Variants in SSBP2 observed in about 807,000 individuals in gnomAD.
The protein encoded by SSBP2 is single-stranded DNA-binding protein 2.
SSBP2 carries 17 observed loss-of-function variants against 61.8 expected under a neutral mutation model. The observed-to-expected ratio is 0.28, with a 90% CI of 0.19 to 0.41. The LOEUF (loss-of-function observed/expected upper bound fraction) is 0.41. SSBP2 is among the 10% of genes least tolerant of loss of function. The pLI is 1.00. For missense variants in SSBP2, 310 were observed against 458.7 expected, an observed-to-expected ratio of 0.68 and a Z score of 2.96; for synonymous variants, 139 against 141.3, an observed-to-expected ratio of 0.98 and a Z score of 0.12.
At chr5:81,426,512 G>C (rs747740339) in intron 16 of SSBP2, among the ~76,000 whole-genome samples, 1 of 152,228 alleles carries the variant, frequency 6.6e-6, no homozygotes, top group Non-Finnish European at 1.5e-5. Context: ...ACCCGCTTAA[G>C]TTCAGGGGCA....
At chr5:81,731,656 T>C (rs909184674) in intron 1 of SSBP2, among the ~76,000 whole-genome samples, 9 of 152,248 alleles carry the variant, frequency 5.9e-5, no homozygotes, top group African/African-American at 2.2e-4. Context: ...TTATCATCCA[T>C]GTTAAAAGAT....
chr5:81,542,817 T>TCTCTCTCTCTCTCTC (rs1771383467), intron 4 of SSBP2, among the ~76,000 whole-genome samples: 1 of 106,724 alleles, frequency 9.4e-6, no homozygotes, highest in Admixed American at 8.9e-5. Context: ...ATTTGACAGT[T>TCTCTCTCTCTCTCTC]TCTCTCTCTC....
intron 4 of SSBP2, among the ~76,000 whole-genome samples, chr5:81,614,355 G>A (rs1300250430): frequency 5.8e-5 from 3 of 51,674 alleles, no homozygotes; most frequent in Non-Finnish European, 1.0e-4. Context: ...GCGAGACTCC[G>A]TCTCAAAAAA....
At chr5:81,546,152 T>C (rs576253136) in intron 4 of SSBP2, among the ~76,000 whole-genome samples, 3 of 152,354 alleles carry the variant, frequency 2.0e-5, no homozygotes, top group African/African-American at 7.2e-5. Flanking sequence ...TGTAATCTCA[T>C]TTAATCATTA....
chr5:81,445,138 T>TATATACATATATA lies in SSBP2; in HGVS notation c.778+1729_778+1730insTATATATGTATAT, dbSNP rs1453692261. ...TGTCTCAGCAAAGAAAAAAAAAATT[T>TATATACATATATA]TATATATATATATATATATATATAT... On this transcript the variant is annotated intron_variant, in intron 12 of 16. Coordinates refer to ENST00000320672, the MANE Select transcript of SSBP2 (RefSeq NM_012446.5). Among the ~76,000 whole-genome samples the TATATACATATATA allele has an allele frequency of 8.0e-4, 27 of 33,888 alleles. 1 individual carries two copies. The highest frequency in any genetic ancestry group is 2.8e-3 in the African/African-American group (27 of 9,678). The allele number at this position is 33,888 out of a possible 152,430, so 22.2% of individuals were successfully genotyped here.
At chr5:81,658,106 T>C (rs987310804) in intron 1 of SSBP2, among the ~76,000 whole-genome samples, 68 of 152,124 alleles carry the variant, frequency 4.5e-4, no homozygotes, top group African/African-American at 1.4e-3. Context: ...ATATAAAACA[T>C]TGTTATTAAT....
At chr5:81,646,690 T>C (rs973966488) in intron 2 of SSBP2, among the ~76,000 whole-genome samples, 1 of 13,568 alleles carries the variant, frequency 7.4e-5, no homozygotes, top group Non-Finnish European at 1.7e-4. Flanking sequence ...ATGATGTCAT[T>C]TTTTTTTTTT....
intron 9 of SSBP2, among the ~76,000 whole-genome samples, chr5:81,465,651 C>G (rs754283057): frequency 6.6e-6 from 1 of 151,730 alleles, no homozygotes; most frequent in Non-Finnish European, 1.5e-5. Flanking sequence ...AACATCATAC[C>G]CCTTAAAATC....
chr5:81,738,673 GCCA>G (rs1756788716), intron 1 of SSBP2, among the ~76,000 whole-genome samples: 1 of 152,068 alleles, frequency 6.6e-6, no homozygotes, highest in Admixed American at 6.5e-5. Context: ...TCACACTTAG[GCCA>G]CCAAGTCTGA....
chr5:81,505,205 T>C (rs560154422), intron 5 of SSBP2, among the ~76,000 whole-genome samples: 2 of 151,758 alleles, frequency 1.3e-5, no homozygotes, highest in South Asian at 4.2e-4. Context: ...TTAATTTACA[T>C]AATGTCTATG....
intron 4 of SSBP2, among the ~76,000 whole-genome samples, chr5:81,535,512 A>G (rs1326925011): frequency 6.6e-6 from 1 of 152,104 alleles, no homozygotes; most frequent in Non-Finnish European, 1.5e-5. Context: ...GACTGACTAT[A>G]AGGCAACAGT....
intron 4 of SSBP2, among the ~76,000 whole-genome samples, chr5:81,519,434 G>A (rs1416140887): frequency 2.0e-5 from 3 of 152,096 alleles, no homozygotes; most frequent in Non-Finnish European, 4.4e-5. Context: ...ACAAAAATAT[G>A]TTTTTCCTTT....
At chr5:81,452,742 T>A (rs1258520498) in intron 10 of SSBP2, among the ~76,000 whole-genome samples, 1 of 152,008 alleles carries the variant, frequency 6.6e-6, no homozygotes, top group Admixed American at 6.6e-5. Context: ...TTTGGGGAAA[T>A]GTCTGATTAT....
At chr5:81,654,020 C>T (rs1340134372) in intron 1 of SSBP2, among the ~76,000 whole-genome samples, 12 of 150,606 alleles carry the variant, frequency 8.0e-5, no homozygotes, top group African/African-American at 2.9e-4. Context: ...GAGACAGGGT[C>T]TTGCTCTATC....
intron 1 of SSBP2, among the ~76,000 whole-genome samples, 157 bp from the exon 2 acceptor site, chr5:81,650,496 G>C (rs1301105055): frequency 1.3e-5 from 2 of 151,972 alleles, no homozygotes; most frequent in African/African-American, 4.8e-5. Context: ...AATAATACAT[G>C]TATGTTCAGA....
chr5:81,699,225 G>A (rs749164955), intron 1 of SSBP2, among the ~76,000 whole-genome samples: 17 of 152,312 alleles, frequency 1.1e-4, no homozygotes, highest in African/African-American at 1.4e-4. Context: ...TGGGCTGATC[G>A]GGGTGGCAGT....
chr5:81,478,803 TAG>T (rs1349905156), intron 6 of SSBP2, among the ~76,000 whole-genome samples: 1 of 152,200 alleles, frequency 6.6e-6, no homozygotes, highest in Non-Finnish European at 1.5e-5. Flanking sequence ...TCCAAATGGT[TAG>T]AGTTATACAC....
At chr5:81,512,867 A>G (rs562547618) in intron 5 of SSBP2, among the ~76,000 whole-genome samples, 15 of 152,108 alleles carry the variant, frequency 9.9e-5, no homozygotes, top group Admixed American at 2.0e-4. Flanking sequence ...AGGTCCTGTA[A>G]TGCCTTTCGA....
At chr5:81,666,152 G>A (rs1358863685) in intron 1 of SSBP2, among the ~76,000 whole-genome samples, 1 of 152,156 alleles carries the variant, frequency 6.6e-6, no homozygotes, top group Non-Finnish European at 1.5e-5. Flanking sequence ...GATTCAGAGT[G>A]TCAAAATCTC....
Sources: gnomAD v4.1 joint callset for allele counts (sites outside exome capture counted in the v4.1 genomes callset) on GRCh38, gnomAD v4.1.1 for gene constraint, MANE v1.5 for transcripts, NCBI Gene and HGNC (gene_info 2026-07-23, HGNC 2026-07-21) for gene names.